The following ST6GALNAC3 variants were observed in gnomAD, a reference collection of about 807,000 sequenced individuals.
ST6GALNAC3 encodes alpha-N-acetylgalactosaminide alpha-2,6-sialyltransferase 3.
A neutral mutation model predicts 32.7 loss-of-function variants in ST6GALNAC3; 25 were observed. The observed-to-expected ratio is 0.76, with a 90% CI of 0.56 to 1.07. ST6GALNAC3 has a LOEUF of 1.07. Ranked by LOEUF, ST6GALNAC3 falls within the 50% of genes least tolerant of loss-of-function variation. The probability of loss-of-function intolerance (pLI) is 0.00; values close to 1 mark genes in which losing one functional copy is unlikely to be tolerated. For missense variants in ST6GALNAC3, 355 were observed against 382.4 expected, an observed-to-expected ratio of 0.93 and a Z score of 0.60; for synonymous variants, 129 against 133.1, an observed-to-expected ratio of 0.97 and a Z score of 0.21.
At chr1:76,414,844 A>C (rs988701431) in intron 3 of ST6GALNAC3, among the ~76,000 whole-genome samples, 5 of 152,068 alleles carry the variant, frequency 3.3e-5, no homozygotes, top group African/African-American at 1.2e-4. Context: ...AAAAATCAAC[A>C]ATTCTGCCTT....
chr1:76,563,153 G>A (rs1370044489), intron 3 of ST6GALNAC3, among the ~76,000 whole-genome samples: 2 of 152,108 alleles, frequency 1.3e-5, no homozygotes, highest in African/African-American at 4.8e-5. Flanking sequence ...AGAATAATGC[G>A]ACTGGCACTA....
chr1:76,290,844 C>T (rs1463313081), intron 1 of ST6GALNAC3, among the ~76,000 whole-genome samples: 2 of 152,160 alleles, frequency 1.3e-5, no homozygotes, highest in Non-Finnish European at 2.9e-5. Context: ...TGAAGGAAGG[C>T]AGCTTTCAGG....
At chr1:76,478,728 G>A (rs1286371665) in intron 3 of ST6GALNAC3, among the ~76,000 whole-genome samples, 4 of 147,136 alleles carry the variant, frequency 2.7e-5, no homozygotes, top group South Asian at 4.4e-4. Context: ...GGTCAGATTC[G>A]TGACTGTATT....
chr1:76,122,496 A>G (rs1450925232), intron 1 of ST6GALNAC3, among the ~76,000 whole-genome samples: 1 of 152,196 alleles, frequency 6.6e-6, no homozygotes, highest in East Asian at 1.9e-4. Flanking sequence ...CTGGCAAAGC[A>G]CTGAGCTATT....
chr1:76,344,835 T>C (rs914144693), intron 2 of ST6GALNAC3, among the ~76,000 whole-genome samples: 13 of 152,120 alleles, frequency 8.5e-5, no homozygotes, highest in African/African-American at 3.1e-4. Flanking sequence ...CTCAGTGAGG[T>C]GGGAGCTGTG....
At chr1:76,132,386 A>T (rs1028604540) in intron 1 of ST6GALNAC3, among the ~76,000 whole-genome samples, 2 of 151,990 alleles carry the variant, frequency 1.3e-5, no homozygotes, top group African/African-American at 4.8e-5. Context: ...CAGGGGGGCA[A>T]TCCAAGACTC....
At chr1:76,212,115 C>A (rs1030544934) in intron 1 of ST6GALNAC3, among the ~76,000 whole-genome samples, 1 of 152,136 alleles carries the variant, frequency 6.6e-6, no homozygotes, top group Non-Finnish European at 1.5e-5. Context: ...TTAATTTATA[C>A]CTTTTCTGTC....
chr1:76,195,808 T>C (rs1326624891), intron 1 of ST6GALNAC3, among the ~76,000 whole-genome samples: 1 of 152,212 alleles, frequency 6.6e-6, no homozygotes, highest in Non-Finnish European at 1.5e-5. Context: ...GAGCATGAGT[T>C]CTATAAAGGA....
chr1:76,462,526 A>ATT (rs55967462), intron 3 of ST6GALNAC3, among the ~76,000 whole-genome samples: 23 of 150,010 alleles, frequency 1.5e-4, no homozygotes, highest in African/African-American at 4.6e-4. Flanking sequence ...GGCAGCCAGC[A>ATT]TTTTTTTTTT....
chr1:76,313,697 C>T (rs2100896172), intron 1 of ST6GALNAC3, 108 bp from the exon 2 acceptor site: 1 of 1,141,976 alleles, frequency 8.8e-7, no homozygotes. Context: ...ATGACAGAAT[C>T]CTTCGACCCC....
At chr1:76,176,178 A>C (rs921463458) in intron 1 of ST6GALNAC3, among the ~76,000 whole-genome samples, 1 of 152,190 alleles carries the variant, frequency 6.6e-6, no homozygotes, top group South Asian at 2.1e-4. Context: ...ACTGAGAAAG[A>C]CTGACACAGA....
chr1:76,454,042 G>C (rs982225226), intron 3 of ST6GALNAC3, among the ~76,000 whole-genome samples: 2 of 152,092 alleles, frequency 1.3e-5, no homozygotes, highest in Non-Finnish European at 2.9e-5. Context: ...GCCTCTCTGT[G>C]TATTTTTTAA....
intron 1 of ST6GALNAC3, among the ~76,000 whole-genome samples, chr1:76,266,821 G>T (rs1365496688): frequency 6.6e-6 from 1 of 152,126 alleles, no homozygotes; most frequent in African/African-American, 2.4e-5. Context: ...CATCTCATTT[G>T]TCTCTCCAGC....
intron 3 of ST6GALNAC3, among the ~76,000 whole-genome samples, chr1:76,528,036 G>C (rs1404335880): frequency 6.6e-6 from 1 of 152,046 alleles, no homozygotes; most frequent in Admixed American, 6.6e-5. Context: ...TTCTAACCTG[G>C]TTAGGTAAAG....
chr1:76,170,544 T>G (rs933610959), intron 1 of ST6GALNAC3, among the ~76,000 whole-genome samples: 1 of 152,204 alleles, frequency 6.6e-6, no homozygotes, highest in Non-Finnish European at 1.5e-5. Context: ...AATTCATTAC[T>G]GGTTTATTAC....
At chr1:76,425,780 T>C (rs923878937) in intron 3 of ST6GALNAC3, among the ~76,000 whole-genome samples, 2 of 151,854 alleles carry the variant, frequency 1.3e-5, no homozygotes, top group African/African-American at 2.4e-5. Flanking sequence ...TGAACTAAGA[T>C]ATGTTCTTGA....
chr1:76,320,847 C>T (rs1214141683), intron 2 of ST6GALNAC3, among the ~76,000 whole-genome samples: 6 of 152,030 alleles, frequency 3.9e-5, no homozygotes, highest in Admixed American at 3.9e-4. Flanking sequence ...TACATGTTCA[C>T]AGATCAAGTT....
At chr1:76,286,763 C>G (rs890068826) in intron 1 of ST6GALNAC3, among the ~76,000 whole-genome samples, 5 of 152,238 alleles carry the variant, frequency 3.3e-5, no homozygotes, top group Non-Finnish European at 7.3e-5. Flanking sequence ...TGTCCTGGCT[C>G]TAGACCTAGG....
intron 2 of ST6GALNAC3, among the ~76,000 whole-genome samples, chr1:76,363,889 A>C (rs1650160907): frequency 6.6e-6 from 1 of 152,148 alleles, no homozygotes; most frequent in African/African-American, 2.4e-5. Context: ...CATTTTCAAG[A>C]AAATACCAAG....
Sources: gnomAD v4.1 joint callset for allele counts (sites outside exome capture counted in the v4.1 genomes callset) on GRCh38, gnomAD v4.1.1 for gene constraint, MANE v1.5 for transcripts, NCBI Gene and HGNC (gene_info 2026-07-23, HGNC 2026-07-21) for gene names.